Variants in RAB10 observed in about 807,000 individuals in gnomAD.
The protein encoded by RAB10 is ras-related protein Rab-10.
In RAB10, 5 loss-of-function variants were observed where a neutral mutation model predicts 25.7. That is an observed-to-expected ratio of 0.19 (90% CI 0.10 to 0.41). The LOEUF (loss-of-function observed/expected upper bound fraction) is 0.41. Among genes scored for constraint, RAB10 ranks in the 10% least tolerant of loss-of-function variants. The probability of loss-of-function intolerance (pLI) is 1.00; values close to 1 mark genes in which losing one functional copy is unlikely to be tolerated. For missense variants in RAB10, 103 were observed against 245.8 expected, an observed-to-expected ratio of 0.42 and a Z score of 3.89; for synonymous variants, 89 against 86.4, an observed-to-expected ratio of 1.03 and a Z score of -0.16.
chr2:26,061,719 A>G (rs1373810762), intron 1 of RAB10, among the ~76,000 whole-genome samples: 2 of 151,712 alleles, frequency 1.3e-5, no homozygotes, highest in African/African-American at 4.8e-5. Context: ...AGTAATTTTA[A>G]GTAGTCATCT....
chr2:26,118,950 A>G (rs976930220), intron 3 of RAB10, among the ~76,000 whole-genome samples: 5 of 152,228 alleles, frequency 3.3e-5, no homozygotes, highest in African/African-American at 1.2e-4. Flanking sequence ...TGTAAACACA[A>G]TGCGTATCCG....
chr2:26,119,776 C>T (rs1342873006), intron 3 of RAB10, among the ~76,000 whole-genome samples: 1 of 152,190 alleles, frequency 6.6e-6, no homozygotes, highest in Non-Finnish European at 1.5e-5. Context: ...GCATTGGCTT[C>T]CCAGAATGTT....
rs1668117709 is a variant in RAB10 at position 26,136,563 on chromosome 2, G to C, written c.*1542G>C. ...GTTTTGCTTCATTGCTTATCATTAG[G>C]ATAGGGTAAGTGAAGTTTGCTATGC... On this transcript the variant is annotated 3_prime_UTR_variant, in exon 6 of 6. Coordinates refer to ENST00000264710, the MANE Select transcript of RAB10 (RefSeq NM_016131.5). 1 of 152,540 alleles carries C rather than the reference G, an allele frequency of 6.6e-6. No individual in the cohort carries two copies. Among genetic ancestry groups the C allele is most frequent in the African/African-American group, 2.4e-5 (1 of 41,422 alleles). 9.4% of individuals were successfully genotyped at this position (152,540 alleles called of 1,614,324 possible).
chr2:26,033,781 G>T (rs560030916), upstream of RAB10, among the ~76,000 whole-genome samples: 2 of 152,134 alleles, frequency 1.3e-5, no homozygotes, highest in African/African-American at 4.8e-5. Flanking sequence ...AGCGGGGAGC[G>T]GGAGGCGGGA....
upstream of RAB10, among the ~76,000 whole-genome samples, chr2:26,033,489 T>C (rs1458061874): frequency 1.3e-5 from 2 of 152,214 alleles, no homozygotes; most frequent in Non-Finnish European, 2.9e-5. Context: ...TCAATCCGGA[T>C]GGAGCGCTCA....
At position 26,115,193 on chromosome 2, in the gene RAB10, G is replaced by T. The variant is rs1022728512; in HGVS notation, c.327+5287G>T. ...AAGATATTTTGGCAGTTCTCAAAAT[G>T]GTTAAACATACAGTTACCTTATGAC... On this transcript the variant is annotated intron_variant, in intron 3 of 5. Coordinates refer to ENST00000264710, the MANE Select transcript of RAB10 (RefSeq NM_016131.5). Among the ~76,000 whole-genome samples, 70 of 152,186 alleles carry T rather than the reference G, an allele frequency of 4.6e-4. 1 individual carries two copies. The South Asian group carries it at 4.8e-3, about 10-fold the overall frequency.
chr2:26,047,914 C>T (rs541985382), intron 1 of RAB10, among the ~76,000 whole-genome samples: 3 of 150,746 alleles, frequency 2.0e-5, no homozygotes, highest in Admixed American at 6.6e-5. Flanking sequence ...TTAGTGGAGA[C>T]GAGGTTTCAC....
intron 5 of RAB10, among the ~76,000 whole-genome samples, chr2:26,133,376 C>A (rs1341316134): frequency 6.6e-6 from 1 of 151,782 alleles, no homozygotes; most frequent in South Asian, 2.1e-4. Flanking sequence ...AACTATGGTT[C>A]CATGTATATG....
rs570009689 is a variant in RAB10 at position 26,120,192 on chromosome 2, G to A, written c.328-6952G>A. ...TCTCTTTGAGTGGAGGTTCATGTTA[G>A]TGGCTCTGGTAACTTGCAGTGTTTA... On this transcript the variant is annotated intron_variant, in intron 3 of 5. Transcript: ENST00000264710. 2.6e-4 allele frequency among the ~76,000 whole-genome samples: 40 copies of A among 152,300 alleles called. No individual in the cohort carries two copies. The South Asian group carries it at 7.9e-3, about 30-fold the overall frequency.
intron 1 of RAB10, among the ~76,000 whole-genome samples, chr2:26,069,210 A>C (rs1277668501): frequency 6.6e-6 from 1 of 152,202 alleles, no homozygotes; most frequent in Non-Finnish European, 1.5e-5. Context: ...TCCCATCAGC[A>C]TTAGCAGGCC....
At chr2:26,109,039 G>A (rs1460087908) in intron 2 of RAB10, among the ~76,000 whole-genome samples, 1 of 151,718 alleles carries the variant, frequency 6.6e-6, no homozygotes, top group Non-Finnish European at 1.5e-5. Context: ...AGCCTCCCGA[G>A]CAGGTGGGAT....
chr2:26,063,079 C>A (rs1482460741), intron 1 of RAB10, among the ~76,000 whole-genome samples: 1 of 149,658 alleles, frequency 6.7e-6, no homozygotes, highest in Non-Finnish European at 1.5e-5. Context: ...CACACCATTG[C>A]ACTCCACCTT....
chr2:26,114,409 A>G (rs1477302214), intron 3 of RAB10, among the ~76,000 whole-genome samples: 1 of 152,188 alleles, frequency 6.6e-6, no homozygotes, highest in African/African-American at 2.4e-5. Flanking sequence ...GATTGATTGA[A>G]TAGTATTGAG....
chr2:26,127,098 C>T (rs747664799), intron 3 of RAB10, 46 bp from the exon 4 acceptor site: 38 of 1,364,102 alleles, frequency 2.8e-5, no homozygotes, highest in Middle Eastern at 1.8e-4. Context: ...ACTGTTAAGC[C>T]GTAATTCATG....
intron 2 of RAB10, chr2:26,101,509 CAGTGTAGCTCCTGGTGGA>C (rs1319800059): frequency 2.6e-5 from 4 of 152,298 alleles, no homozygotes; most frequent in Admixed American, 2.6e-4. Context: ...CCTAGGGTAG[CAGTGTAGCTCCTGGTGGA>C]GGTGTAGCAG....
At chr2:26,094,201 TAAAAA>T (rs761944668) in intron 1 of RAB10, among the ~76,000 whole-genome samples, 1 of 149,400 alleles carries the variant, frequency 6.7e-6, no homozygotes, top group East Asian at 2.0e-4. Flanking sequence ...TTTCCTTACT[TAAAAA>T]AAAAGCCCCC....
intron 1 of RAB10, among the ~76,000 whole-genome samples, chr2:26,088,891 G>A (rs552527977): frequency 6.6e-6 from 1 of 152,036 alleles, no homozygotes; most frequent in East Asian, 2.0e-4. Flanking sequence ...CCAAAGTGCT[G>A]GGATTACAGG....
At chr2:26,100,883 G>C (rs1046460083) in intron 2 of RAB10, among the ~76,000 whole-genome samples, 3 of 149,886 alleles carry the variant, frequency 2.0e-5, no homozygotes, top group African/African-American at 7.4e-5. Flanking sequence ...CCTGACACCT[G>C]CCCTGTCAGA....
chr2:26,047,450 C>A (rs934521998), intron 1 of RAB10, among the ~76,000 whole-genome samples: 3 of 145,330 alleles, frequency 2.1e-5, no homozygotes, highest in African/African-American at 5.1e-5. Context: ...GAGTCTTGTT[C>A]TGTCGCCTAG....
Sources: allele counts gnomAD v4.1 joint callset (sites outside exome capture counted in the v4.1 genomes callset), GRCh38; gene constraint gnomAD v4.1.1; transcripts MANE v1.5; gene names NCBI Gene and HGNC (gene_info 2026-07-23, HGNC 2026-07-21).